Variants in CELF2 observed in about 807,000 individuals in gnomAD.
The protein encoded by CELF2 is CUG triplet repeat RNA-binding protein 2.
In CELF2, 8 loss-of-function variants were observed where a neutral mutation model predicts 62.6. That is an observed-to-expected ratio of 0.13 (90% CI 0.07 to 0.23). The LOEUF (loss-of-function observed/expected upper bound fraction) is 0.23. Ranked by LOEUF, CELF2 falls within the 10% of genes least tolerant of loss-of-function variation. The pLI is 1.00. For synonymous variants in CELF2, 258 were observed against 250.0 expected, an observed-to-expected ratio of 1.03 and a Z score of -0.30; for missense variants, 333 against 671.0, an observed-to-expected ratio of 0.50 and a Z score of 5.56.
chr10:10,647,132 A>G, the CELF2 span, among the ~76,000 whole-genome samples: 10 of 152,140 alleles, frequency 6.6e-5, no homozygotes, highest in African/African-American at 1.4e-4. Flanking sequence ...TCTGCCTTAC[A>G]TAACTCACAG....
the CELF2 span, among the ~76,000 whole-genome samples, chr10:10,757,320 G>A: frequency 2.8e-4 from 43 of 152,056 alleles, no homozygotes; most frequent in East Asian, 7.7e-4. Flanking sequence ...TTAGATGGGC[G>A]TTTTGGTGTT....
At chr10:11,293,781 CCCT>C (rs2092821460) in intron 9 of CELF2, among the ~76,000 whole-genome samples, 1 of 152,004 alleles carries the variant, frequency 6.6e-6, no homozygotes, top group Non-Finnish European at 1.5e-5. Context: ...CAGACACAGG[CCCT>C]CAAGTGTTGT....
chr10:11,249,327 G>A (rs1385754004), intron 4 of CELF2, 126 bp downstream of exon 4: 1 of 730,598 alleles, frequency 1.4e-6, no homozygotes, highest in Non-Finnish European at 2.4e-6. Flanking sequence ...GCTGCTCCTG[G>A]AATCTTCTCT....
In CELF2 at chr10:11,305,774, G is replaced by A. The variant is rs74115823; in HGVS notation, c.977-8365G>A. On this transcript the variant is annotated intron_variant, in intron 9 of 12. Transcript: ENST00000633077. This position sits in a 1 kb window ranked among gnomAD's most constrained non-coding sequence, Gnocchi z 4.8. Reference sequence around the variant, plus strand: ...CATCCCGTCCCCTCAGTTGGGATTAGTGTTTGGGATTACTCAATTTGTAGT... The same window carrying A: ...CATCCCGTCCCCTCAGTTGGGATTAATGTTTGGGATTACTCAATTTGTAGT... Among the ~76,000 whole-genome samples, 1,296 of 152,314 alleles carry A rather than the reference G, an allele frequency of 8.5e-3. 24 individuals carry two copies. The highest frequency in any genetic ancestry group is 0.029 in the African/African-American group (1,187 of 41,556).
At chr10:10,673,893 A>C in the CELF2 span, among the ~76,000 whole-genome samples, 1 of 152,306 alleles carries the variant, frequency 6.6e-6, no homozygotes, top group East Asian at 1.9e-4. Flanking sequence ...AGCAGATATT[A>C]TATGATTTCT....
At chr10:10,589,800 G>A in the CELF2 span, among the ~76,000 whole-genome samples, 4 of 152,238 alleles carry the variant, frequency 2.6e-5, no homozygotes, top group Non-Finnish European at 5.9e-5. Context: ...GTGAGTCGCA[G>A]AAAGGCTGGC....
intron 1 of CELF2, among the ~76,000 whole-genome samples, chr10:10,826,890 A>G (rs1235387678): frequency 6.6e-6 from 1 of 152,200 alleles, no homozygotes; most frequent in Non-Finnish European, 1.5e-5. Context: ...TTTAGAATCC[A>G]GAGATGTGGA....
At chr10:11,130,085 T>C (rs1736553826) in intron 1 of CELF2, among the ~76,000 whole-genome samples, 1 of 152,210 alleles carries the variant, frequency 6.6e-6, no homozygotes, top group African/African-American at 2.4e-5. Flanking sequence ...TTGGTTCTCA[T>C]TGGTTTCAAA....
chr10:11,159,460 A>G lies in CELF2; in HGVS notation c.75-6026A>G, dbSNP rs1413315023. On this transcript the variant is annotated intron_variant, in intron 1 of 12. Transcript: ENST00000633077. The surrounding 1 kb of genome is among the most constrained non-coding windows in gnomAD (Gnocchi z 5.0). ...TCCCAGAGCTCTGGGTTGGATGACC[A>G]CTGACTCCTCTTCCTAAATCGAAAG... Among the ~76,000 whole-genome samples the G allele has an allele frequency of 6.6e-6, 1 of 152,196 alleles. No homozygotes were observed. The highest frequency in any genetic ancestry group is 1.5e-5 in the Non-Finnish European group (1 of 68,042).
At position 11,214,611 on chromosome 10, in the gene CELF2, G is replaced by A. The variant is rs1480275838; in HGVS notation, c.272-2814G>A. Among the ~76,000 whole-genome samples, 3 of 152,210 alleles carry A rather than the reference G, an allele frequency of 2.0e-5. No homozygotes were observed. The highest frequency in any genetic ancestry group is 4.4e-5 in the Non-Finnish European group (3 of 68,030). ...GGCTCCAGGCTTCCCTGCCAAACGCGGCGCCTGTGGAGCTGTGCTGGGGCT... is the reference window on the plus strand; with the variant it reads ...GGCTCCAGGCTTCCCTGCCAAACGCAGCGCCTGTGGAGCTGTGCTGGGGCT... On this transcript the variant is annotated intron_variant, in intron 2 of 12. Coordinates refer to ENST00000633077, the MANE Select transcript of CELF2 (RefSeq NM_001326342.2). This position sits in a 1 kb window ranked among gnomAD's most constrained non-coding sequence, Gnocchi z 4.2.
At chr10:11,101,838 G>C (rs1372497299) in intron 1 of CELF2, among the ~76,000 whole-genome samples, 1 of 152,086 alleles carries the variant, frequency 6.6e-6, no homozygotes, top group African/African-American at 2.4e-5. Context: ...ATCTTATATG[G>C]AATTATAATG....
At chr10:11,233,698 CT>C (rs1315685876) in intron 3 of CELF2, among the ~76,000 whole-genome samples, 3 of 152,220 alleles carry the variant, frequency 2.0e-5, no homozygotes, top group African/African-American at 7.2e-5. Context: ...CCTACATACA[CT>C]TCACCTTTCT....
At chr10:11,281,864 C>G (rs529554057) in intron 8 of CELF2, among the ~76,000 whole-genome samples, 1 of 152,212 alleles carries the variant, frequency 6.6e-6, no homozygotes, top group African/African-American at 2.4e-5. Context: ...GACACGATCA[C>G]AAGTTCATTC....
chr10:10,697,151 A>G, the CELF2 span, among the ~76,000 whole-genome samples: 3 of 152,048 alleles, frequency 2.0e-5, no homozygotes, highest in Non-Finnish European at 1.5e-5. Context: ...ACCCATAGCA[A>G]GCATCTGACC....
rs146745100 is a variant in CELF2 at position 10,850,676 on chromosome 10, C to G, written c.53+51859C>G. On this transcript the variant is annotated intron_variant, in intron 1 of 13. Coordinates refer to the CELF2 transcript ENST00000636488. Reference sequence around the variant, plus strand: ...GGTAACATTTATTGATCACACCTTACATGTTAGGCATTCTTTTAAATATTT... The same window carrying G: ...GGTAACATTTATTGATCACACCTTAGATGTTAGGCATTCTTTTAAATATTT... Among the ~76,000 whole-genome samples the G allele has an allele frequency of 3.1e-3, 472 of 152,312 alleles. 2 individuals carry two copies. The highest frequency in any genetic ancestry group is 7.6e-3 in the Admixed American group (116 of 15,304).
At chr10:10,608,517 C>A in the CELF2 span, among the ~76,000 whole-genome samples, 1 of 152,196 alleles carries the variant, frequency 6.6e-6, no homozygotes, top group Non-Finnish European at 1.5e-5. Context: ...GCTTGGATAG[C>A]TCTGGGAGCC....
At chr10:10,950,270 AGT>A (rs1053416808) in intron 2 of CELF2, among the ~76,000 whole-genome samples, 4 of 151,910 alleles carry the variant, frequency 2.6e-5, no homozygotes, top group African/African-American at 7.3e-5. Context: ...AACCCAGTGC[AGT>A]GTGTGTGTCT....
the CELF2 span, among the ~76,000 whole-genome samples, chr10:10,719,802 C>A: frequency 6.6e-6 from 1 of 152,238 alleles, no homozygotes; most frequent in East Asian, 1.9e-4. Flanking sequence ...GAGGTAAAAC[C>A]ATTAGCATAG....
chr10:11,312,104 A>C (rs1323189117), intron 9 of CELF2, among the ~76,000 whole-genome samples: 2 of 152,232 alleles, frequency 1.3e-5, no homozygotes, highest in African/African-American at 4.8e-5. Context: ...CTGACCTCTC[A>C]ACAGTAATAA....
Sources: gnomAD v4.1 joint callset for allele counts (sites outside exome capture counted in the v4.1 genomes callset) on GRCh38, gnomAD v4.1.1 for gene constraint, Gnocchi (gnomAD v3.1) non-coding constraint, MANE v1.5 for transcripts, NCBI Gene and HGNC (gene_info 2026-07-23, HGNC 2026-07-21) for gene names.